NDST4: variants seen among roughly 807,000 people sequenced by gnomAD.
The protein encoded by NDST4 is N-deacetylase and N-sulfotransferase 4.
In NDST4, 63 loss-of-function variants were observed where a neutral mutation model predicts 100.8. That is an observed-to-expected ratio of 0.62 (90% CI 0.51 to 0.77). The LOEUF is 0.77. Ranked by LOEUF, NDST4 falls within the 30% of genes least tolerant of loss-of-function variation. The pLI, the probability that NDST4 is intolerant of heterozygous loss-of-function variation, is 0.00. For synonymous variants in NDST4, 377 were observed against 361.8 expected, an observed-to-expected ratio of 1.04 and a Z score of -0.48; for missense variants, 943 against 1,018.4, an observed-to-expected ratio of 0.93 and a Z score of 1.01.
At chr4:115,100,819 T>A (rs12512835) in intron 1 of NDST4, among the ~76,000 whole-genome samples, 5 of 131,984 alleles carry the variant, frequency 3.8e-5, no homozygotes. Flanking sequence ...TTTTTTTTTT[T>A]CCCTCCTGCT....
chr4:114,913,021 T>G (rs907780279), intron 6 of NDST4, among the ~76,000 whole-genome samples: 1 of 152,100 alleles, frequency 6.6e-6, no homozygotes, highest in Non-Finnish European at 1.5e-5. Flanking sequence ...ATTCTGACTT[T>G]CTCTGTAATA....
chr4:114,875,693 T>C (rs17047446), intron 6 of NDST4, among the ~76,000 whole-genome samples: 2,024 of 152,266 alleles, frequency 0.013, 46 homozygotes, highest in African/African-American at 0.046. Flanking sequence ...ATTTTGTGTT[T>C]GACTTATGAA....
chr4:115,028,106 C>T (rs548043843), intron 2 of NDST4, among the ~76,000 whole-genome samples: 9 of 151,370 alleles, frequency 5.9e-5, no homozygotes, highest in East Asian at 3.9e-4. Flanking sequence ...ATTAGCTCAA[C>T]GATTCCTATG....
chr4:114,863,086 C>A (rs1278023682), intron 7 of NDST4, among the ~76,000 whole-genome samples: 1 of 152,116 alleles, frequency 6.6e-6, no homozygotes. Context: ...ATTTTATATT[C>A]TGAACATGTT....
At chr4:114,878,537 G>T (rs1288621411) in intron 6 of NDST4, among the ~76,000 whole-genome samples, 1 of 152,192 alleles carries the variant, frequency 6.6e-6, no homozygotes, top group African/African-American at 2.4e-5. Flanking sequence ...TATTCATATT[G>T]TTTTGATTTG....
At chr4:115,036,593 T>C (rs13150779) in intron 2 of NDST4, among the ~76,000 whole-genome samples, 2 of 151,886 alleles carry the variant, frequency 1.3e-5, no homozygotes, top group East Asian at 3.9e-4. Context: ...CACAAGAGTT[T>C]AATAAATTTG....
At chr4:114,829,668 A>G (rs562156170) in intron 13 of NDST4, 122 bp downstream of exon 13, 2 of 622,240 alleles carry the variant, frequency 3.2e-6, no homozygotes, top group Non-Finnish European at 5.5e-6. Flanking sequence ...TCCTCTAAGT[A>G]TATAAAATTA....
chr4:114,896,458 CT>C (rs1163660282), intron 6 of NDST4, among the ~76,000 whole-genome samples: 5 of 151,210 alleles, frequency 3.3e-5, no homozygotes, highest in Admixed American at 3.3e-4. Flanking sequence ...CCCGTCTCTA[CT>C]AAAAAATGCA....
chr4:115,002,838 T>C (rs1727324620), intron 2 of NDST4, among the ~76,000 whole-genome samples: 1 of 152,036 alleles, frequency 6.6e-6, no homozygotes, highest in African/African-American at 2.4e-5. Context: ...CAAATGCCCA[T>C]AATTAATAGA....
intron 13 of NDST4, among the ~76,000 whole-genome samples, 174 bp downstream of exon 13, chr4:114,829,616 C>T (rs945010713): frequency 2.0e-5 from 3 of 151,830 alleles, no homozygotes; most frequent in Admixed American, 6.6e-5. Flanking sequence ...ATCTACCGAT[C>T]TCTATCTATC....
chr4:114,934,700 A>G (rs1725590083), intron 6 of NDST4, among the ~76,000 whole-genome samples: 1 of 152,084 alleles, frequency 6.6e-6, no homozygotes, highest in Admixed American at 6.5e-5. Context: ...TTAATAGTTA[A>G]TAGTAACATA....
intron 4 of NDST4, among the ~76,000 whole-genome samples, chr4:114,939,407 G>A (rs554853515): frequency 2.0e-5 from 3 of 152,162 alleles, no homozygotes; most frequent in Non-Finnish European, 4.4e-5. Context: ...GTTTTATAAG[G>A]CTTGTCCCAC....
intron 1 of NDST4, among the ~76,000 whole-genome samples, chr4:115,109,572 G>T (rs1346803463): frequency 6.6e-6 from 1 of 151,750 alleles, no homozygotes; most frequent in Non-Finnish European, 1.5e-5. Flanking sequence ...CATCACTTTT[G>T]TTTCTCAACA....
chr4:114,909,130 T>C (rs972924187), intron 6 of NDST4, among the ~76,000 whole-genome samples: 2 of 152,210 alleles, frequency 1.3e-5, no homozygotes, highest in Non-Finnish European at 2.9e-5. Context: ...TTTATTATTA[T>C]TTTTAAAATT....
Position 114,915,912 on chromosome 4 carries a change from C to A in NDST4, c.1536+19294G>T, listed in dbSNP as rs543009962. On this transcript the variant is annotated intron_variant, in intron 6 of 13. Coordinates refer to ENST00000264363, the MANE Select transcript of NDST4 (RefSeq NM_022569.3). ...AAAAGAAAGAAGGAAAAAATGCAAACCCCAACCACTTAAAATCGTAATATT... is the reference window on the plus strand; with the variant it reads ...AAAAGAAAGAAGGAAAAAATGCAAAACCCAACCACTTAAAATCGTAATATT... Among the ~76,000 whole-genome samples the A allele has an allele frequency of 2.6e-5, 4 of 152,070 alleles. No individual in the cohort carries two copies. The South Asian group carries it at 8.3e-4, about 32-fold the overall frequency.
At chr4:114,880,131 A>G (rs1560792283) in intron 6 of NDST4, among the ~76,000 whole-genome samples, 1 of 152,212 alleles carries the variant, frequency 6.6e-6, no homozygotes, top group Non-Finnish European at 1.5e-5. Flanking sequence ...GCTATATTTC[A>G]GTGAGCAGGT....
At chr4:114,904,111 A>C (rs1724901299) in intron 6 of NDST4, among the ~76,000 whole-genome samples, 1 of 152,022 alleles carries the variant, frequency 6.6e-6, no homozygotes, top group Non-Finnish European at 1.5e-5. Context: ...AAAAAGGGTA[A>C]GAAGTATGAA....
chr4:115,033,148 TATATATA>T lies in NDST4; in HGVS notation c.978+42904_978+42910del, dbSNP rs1470522427. 9.5e-3 allele frequency among the ~76,000 whole-genome samples: 1,247 copies of T among 131,328 alleles called. 26 individuals are homozygous for T. The highest frequency in any genetic ancestry group is 0.033 in the African/African-American group (1,106 of 33,060). 86.2% of individuals were successfully genotyped at this position (131,328 alleles called of 152,430 possible). ...ATATATGTGTATATATATATATATA[TATATATA>T]TATTTTTTTTTTTTTTGAAACAGGG... On this transcript the variant is annotated intron_variant, in intron 2 of 13. Coordinates refer to ENST00000264363, the MANE Select transcript of NDST4 (RefSeq NM_022569.3).
chr4:114,893,813 C>G (rs1277301910), intron 6 of NDST4, among the ~76,000 whole-genome samples: 1 of 152,008 alleles, frequency 6.6e-6, no homozygotes, highest in Non-Finnish European at 1.5e-5. Flanking sequence ...AAGTCTTTGC[C>G]CATGCCTATG....
Sources: allele counts gnomAD v4.1 joint callset (sites outside exome capture counted in the v4.1 genomes callset), GRCh38; gene constraint gnomAD v4.1.1; transcripts MANE v1.5; gene names NCBI Gene and HGNC (gene_info 2026-07-23, HGNC 2026-07-21).